The following MARCHF1 variants were observed in gnomAD, a reference collection of about 807,000 sequenced individuals.
The protein encoded by MARCHF1 is E3 ubiquitin-protein ligase MARCHF1.
Under a neutral mutation model 54.2 loss-of-function variants are expected in MARCHF1, and 40 were observed. The ratio of observed to expected loss-of-function variants is 0.74; its 90% confidence interval spans 0.57 to 0.96. The LOEUF is 0.96. Among genes scored for constraint, MARCHF1 ranks in the 40% least tolerant of loss-of-function variants. The probability of loss-of-function intolerance (pLI) is 0.00; values close to 1 mark genes in which losing one functional copy is unlikely to be tolerated. For synonymous variants in MARCHF1, 236 were observed against 236.3 expected, an observed-to-expected ratio of 1.00 and a Z score of 0.01; for missense variants, 586 against 656.5, an observed-to-expected ratio of 0.89 and a Z score of 1.17.
intron 1 of MARCHF1, among the ~76,000 whole-genome samples, chr4:164,369,849 C>T (rs527486905): frequency 6.6e-6 from 1 of 152,200 alleles, no homozygotes; most frequent in Non-Finnish European, 1.5e-5. Context: ...CAAAAGCAAA[C>T]TATGAGAATA....
chr4:163,894,933 T>TATATACATGCATGTGATGC, intron 3 of MARCHF1, among the ~76,000 whole-genome samples: 2 of 7,080 alleles, frequency 2.8e-4, no homozygotes, highest in African/African-American at 3.9e-4. Context: ...ATGTGATGCA[T>TATATACATGCATGTGATGC]ATATATATAT....
At chr4:164,088,462 G>T (rs1755234720) in intron 2 of MARCHF1, among the ~76,000 whole-genome samples, 1 of 152,192 alleles carries the variant, frequency 6.6e-6, no homozygotes, top group Non-Finnish European at 1.5e-5. Context: ...CAATGGCCAG[G>T]TGTGGCAGCT....
chr4:164,185,544 T>C (rs10023539), intron 1 of MARCHF1, among the ~76,000 whole-genome samples: 1,634 of 152,244 alleles, frequency 0.011, 21 homozygotes, highest in African/African-American at 0.034. Context: ...ATAAGGATTG[T>C]TGAAGAGCAA....
At chr4:164,331,499 T>A (rs1561005286) in intron 1 of MARCHF1, among the ~76,000 whole-genome samples, 1 of 152,228 alleles carries the variant, frequency 6.6e-6, no homozygotes, top group Non-Finnish European at 1.5e-5. Flanking sequence ...GCCTTTCATG[T>A]TTGTATGCAT....
chr4:164,193,784 G>A (rs1731183747), intron 1 of MARCHF1, among the ~76,000 whole-genome samples: 2 of 152,090 alleles, frequency 1.3e-5, no homozygotes, highest in African/African-American at 4.8e-5. Flanking sequence ...AATGCACAAA[G>A]ATCTGTAAAT....
chr4:164,294,092 C>T (rs1347149836), intron 1 of MARCHF1, among the ~76,000 whole-genome samples: 1 of 151,944 alleles, frequency 6.6e-6, no homozygotes, highest in Admixed American at 6.6e-5. Flanking sequence ...CTACCCTCGA[C>T]ATTGGACTCC....
chr4:163,562,515 T>C (rs1182989969), intron 8 of MARCHF1, among the ~76,000 whole-genome samples: 1 of 152,162 alleles, frequency 6.6e-6, no homozygotes, highest in African/African-American at 2.4e-5. Flanking sequence ...CTTCTCATTC[T>C]CTTTTGCTCC....
intron 1 of MARCHF1, among the ~76,000 whole-genome samples, chr4:164,156,388 A>G (rs937285989): frequency 2.6e-5 from 4 of 152,082 alleles, no homozygotes; most frequent in Admixed American, 6.6e-5. Flanking sequence ...GAGTCCATAG[A>G]GAAATGGGGA....
chr4:164,238,005 A>G (rs1390501274), intron 1 of MARCHF1, among the ~76,000 whole-genome samples: 1 of 152,068 alleles, frequency 6.6e-6, no homozygotes, highest in East Asian at 1.9e-4. Context: ...TGTTATTTCT[A>G]CTTTAAAATT....
At chr4:163,966,152 T>C (rs542447571) in intron 3 of MARCHF1, among the ~76,000 whole-genome samples, 1 of 152,194 alleles carries the variant, frequency 6.6e-6, no homozygotes, top group African/African-American at 2.4e-5. Context: ...ATGTGCTATA[T>C]TACACTAATA....
At chr4:164,214,852 T>G (rs1344416408) in intron 1 of MARCHF1, among the ~76,000 whole-genome samples, 1 of 152,076 alleles carries the variant, frequency 6.6e-6, no homozygotes. Flanking sequence ...ATCTGACACT[T>G]GAAATTGAAA....
chr4:164,140,640 A>G (rs1171109213), intron 1 of MARCHF1, among the ~76,000 whole-genome samples: 1 of 152,142 alleles, frequency 6.6e-6, no homozygotes, highest in Non-Finnish European at 1.5e-5. Context: ...CTCCTCGGCT[A>G]CAGCACCCAA....
intron 1 of MARCHF1, among the ~76,000 whole-genome samples, chr4:164,309,302 G>A (rs748841968): frequency 4.0e-5 from 6 of 151,892 alleles, no homozygotes; most frequent in Non-Finnish European, 7.4e-5. Flanking sequence ...GTGTCTGTGT[G>A]TTATTGTGGC....
intron 1 of MARCHF1, among the ~76,000 whole-genome samples, chr4:164,151,006 C>T (rs538157427): frequency 4.0e-4 from 61 of 152,222 alleles, no homozygotes; most frequent in African/African-American, 1.4e-3. Flanking sequence ...CCATTGCTGG[C>T]TTGGAAGATG....
chr4:164,229,047 T>TA lies in MARCHF1; in HGVS notation c.-322-117386dup, dbSNP rs200742743. Among the ~76,000 whole-genome samples, 798 of 152,294 alleles carry TA rather than the reference T, an allele frequency of 5.2e-3. 25 individuals carry two copies. Among genetic ancestry groups the TA allele is most frequent in the East Asian group, 0.047 (242 of 5,168 alleles). ...GATGTTAAAAGAGAAGTTCCATAGA[T>TA]ATGACTTTGTGCTCAAAAAGAAGGA... On this transcript the variant is annotated intron_variant, in intron 1 of 9. Transcript: ENST00000514618.
At chr4:163,975,584 G>A (rs1752634669) in intron 3 of MARCHF1, among the ~76,000 whole-genome samples, 1 of 152,114 alleles carries the variant, frequency 6.6e-6, no homozygotes, top group East Asian at 1.9e-4. Flanking sequence ...TTCTTTTCAG[G>A]TAAACATCCC....
chr4:164,254,516 T>G (rs1733217125), intron 1 of MARCHF1, among the ~76,000 whole-genome samples: 1 of 151,632 alleles, frequency 6.6e-6, no homozygotes, highest in South Asian at 2.1e-4. Flanking sequence ...ATATAGTTAA[T>G]ACTTAATAAA....
At chr4:163,668,884 A>C (rs1743631727) in intron 5 of MARCHF1, among the ~76,000 whole-genome samples, 1 of 152,110 alleles carries the variant, frequency 6.6e-6, no homozygotes, top group African/African-American at 2.4e-5. Flanking sequence ...TATTCTCCAG[A>C]GGCATTTGTA....
At chr4:163,951,362 CAGTAAA>C (rs1752131521) in intron 3 of MARCHF1, among the ~76,000 whole-genome samples, 4 of 152,050 alleles carry the variant, frequency 2.6e-5, no homozygotes, top group African/African-American at 9.7e-5. Flanking sequence ...TGTAAGCCTT[CAGTAAA>C]GTTAGGGATA....
Sources: allele counts gnomAD v4.1 joint callset (sites outside exome capture counted in the v4.1 genomes callset), GRCh38; gene constraint gnomAD v4.1.1; transcripts MANE v1.5; gene names NCBI Gene and HGNC (gene_info 2026-07-23, HGNC 2026-07-21).